Variants in FAM228B observed in about 807,000 individuals in gnomAD.
FAM228B encodes the protein family with sequence similarity 228 member B, also known as protein FAM228B.
A neutral mutation model predicts 42.6 loss-of-function variants in FAM228B; 38 were observed. That is an observed-to-expected ratio of 0.89 (90% CI 0.69 to 1.17). The LOEUF is 1.17. FAM228B is among the 50% of genes most tolerant of loss of function. The pLI is 0.00. For synonymous variants in FAM228B, 109 were observed against 122.3 expected (o/e 0.89, Z 0.72); for missense variants, 344 against 367.3 (o/e 0.94, Z 0.52).
chr2:24,155,697 C>T (rs868354000), intron 7 of FAM228B, among the ~76,000 whole-genome samples: 10 of 151,366 alleles, frequency 6.6e-5, no homozygotes, highest in African/African-American at 1.5e-4. Context: ...TCCGCCACCA[C>T]GCCCGGCTAA....
At chr2:24,109,464 G>A (rs781745297) in intron 3 of FAM228B, among the ~76,000 whole-genome samples, 15 of 152,120 alleles carry the variant, frequency 9.9e-5, no homozygotes, top group Non-Finnish European at 1.9e-4. Context: ...TTAAATTAAA[G>A]AGCTTCTGCA....
chr2:24,158,342 C>G (rs1667208525), intron 7 of FAM228B, among the ~76,000 whole-genome samples: 1 of 152,010 alleles, frequency 6.6e-6, no homozygotes, highest in Admixed American at 6.6e-5. Context: ...CCACGATGTA[C>G]TTTTTCATCG....
chr2:24,115,496 G>T, intron 3 of FAM228B: 1 of 1,238,938 alleles, frequency 8.1e-7, no homozygotes, highest in South Asian at 1.3e-5. Context: ...TCTGTCTAGT[G>T]TTTTTTCAAC....
upstream of FAM228B, chr2:24,122,698 G>C (rs893690078): frequency 1.8e-6 from 1 of 541,686 alleles, no homozygotes. Context: ...CCATCATTCA[G>C]GGCCCACCAG....
chr2:24,123,781 C>T (rs1666216378), intron 1 of FAM228B, among the ~76,000 whole-genome samples: 1 of 151,816 alleles, frequency 6.6e-6, no homozygotes, highest in African/African-American at 2.4e-5. Context: ...CCGCAGGCGC[C>T]CGGCCTAGTG....
intron 8 of FAM228B, 106 bp from the exon 9 acceptor site, chr2:24,164,092 C>T: frequency 9.5e-7 from 1 of 1,050,684 alleles, no homozygotes; most frequent in Non-Finnish European, 1.3e-6. Context: ...TAAAAATACA[C>T]AAATTCACAT....
In FAM228B at chr2:24,077,576, C is replaced by T; in HGVS notation, c.-290+607C>T. On this transcript the variant is annotated intron_variant, in intron 1 of 10. Coordinates refer to the FAM228B transcript ENST00000613899. This position sits in a 1 kb window ranked among gnomAD's most constrained non-coding sequence, Gnocchi z 5.5. ...GCCGCGTCCTGTCCTGCCCCATCCT[C>T]CTTCACTGGGGCAGTTCCAGGACGA... The T allele has an allele frequency of 6.2e-7, 1 of 1,609,034 alleles. No homozygotes were observed. Among genetic ancestry groups the T allele is most frequent in the Non-Finnish European group, 8.5e-7 (1 of 1,177,258 alleles).
At chr2:24,166,062 T>TATATATATATATATAC (rs1667402281) in intron 9 of FAM228B, 2 of 142,132 alleles carry the variant, frequency 1.4e-5, no homozygotes, top group Non-Finnish European at 3.0e-5. Flanking sequence ...AAAATATATA[T>TATATATATATATATAC]ATATATATAT....
intron 4 of FAM228B, 115 bp from the exon 5 acceptor site, chr2:24,139,253 CTG>C: frequency 2.1e-6 from 1 of 465,416 alleles, no homozygotes; most frequent in Non-Finnish European, 3.8e-6. Flanking sequence ...GCATTTGTCA[CTG>C]ATGCTGCTTT....
chr2:24,117,449 T>C lies in FAM228B; in HGVS notation c.-120-17670T>C, dbSNP rs7609349. On this transcript the variant is annotated intron_variant, in intron 3 of 10. Transcript: ENST00000613899. Reference sequence around the variant, plus strand: ...TGGTCATAGTTCTTCTTCTTCTTTTTTTTTTTTTCTCGAGACAGAGTCTCG... The same window carrying C: ...TGGTCATAGTTCTTCTTCTTCTTTTCTTTTTTTTCTCGAGACAGAGTCTCG... Among the ~76,000 whole-genome samples the C allele has an allele frequency of 5.9e-3, 902 of 151,970 alleles. 4 individuals carry two copies. The highest frequency in any genetic ancestry group is 0.021 in the African/African-American group (870 of 41,452).
intron 5 of FAM228B, among the ~76,000 whole-genome samples, chr2:24,143,153 C>T (rs1165585690): frequency 1.3e-5 from 2 of 151,856 alleles, no homozygotes; most frequent in African/African-American, 2.4e-5. Context: ...AATACTCCTA[C>T]CTTTTTCTTT....
intron 2 of FAM228B, among the ~76,000 whole-genome samples, chr2:24,088,155 G>A (rs1312886225): frequency 6.6e-6 from 1 of 152,084 alleles, no homozygotes; most frequent in African/African-American, 2.4e-5. Context: ...TGGGATTAGA[G>A]GTGTGAGCCA....
Position 24,161,519 on chromosome 2 carries a change from G to A in FAM228B, c.700G>A (p.Val234Met). Residue 234 changes from valine to methionine, a missense_variant, in exon 8 of 11, where the codon GTG becomes ATG. Transcript: ENST00000615575. Reference sequence around the variant, plus strand: ...ATCTTGTTAAAGGTTAAAGGTGAAAGTGAATTTTAATGACTGTAGTTTTGA... The same window carrying A: ...ATCTTGTTAAAGGTTAAAGGTGAAAATGAATTTTAATGACTGTAGTTTTGA... ...FCRRRRLKVK[V>M]NFNDCSFDLK... is the part of the protein sequence containing the mutation. 1 of 1,534,924 alleles carries A rather than the reference G, an allele frequency of 6.5e-7. No homozygotes were observed. Among genetic ancestry groups the A allele is most frequent in the Non-Finnish European group, 8.8e-7 (1 of 1,132,570 alleles).
intron 3 of FAM228B, among the ~76,000 whole-genome samples, chr2:24,115,181 A>G (rs1195997326): frequency 6.6e-6 from 1 of 152,184 alleles, no homozygotes; most frequent in Admixed American, 6.5e-5. Context: ...CTCTGTCCTG[A>G]TGGGAGACAT....
At chr2:24,115,565 T>C (rs1031048560) in intron 3 of FAM228B, 1 of 1,606,750 alleles carries the variant, frequency 6.2e-7, no homozygotes, top group Non-Finnish European at 8.5e-7. Context: ...AAATTGTCTT[T>C]CATGGGCCTC....
chr2:24,113,454 T>C (rs1467804888), intron 3 of FAM228B, among the ~76,000 whole-genome samples: 4 of 152,082 alleles, frequency 2.6e-5, no homozygotes, highest in Non-Finnish European at 5.9e-5. Flanking sequence ...CCTATAACCC[T>C]AGCTACTCGG....
In FAM228B at chr2:24,143,474, A is replaced by T. The variant is rs144990584; in HGVS notation, c.442-3274A>T. On this transcript the variant is annotated intron_variant, in intron 5 of 10. Transcript: ENST00000615575. The stretch of plus-strand genomic sequence containing the variant: ...CTCCCAAAATGCTGGGATTACAGGC[A>T]TGAACCATCATGCCTGGCCACTCCT... 2.2e-3 allele frequency among the ~76,000 whole-genome samples: 338 copies of T among 152,310 alleles called. 2 individuals carry two copies. Among genetic ancestry groups the T allele is most frequent in the African/African-American group, 7.9e-3 (328 of 41,578 alleles).
intron 2 of FAM228B, among the ~76,000 whole-genome samples, chr2:24,083,726 C>G (rs900239630): frequency 6.6e-6 from 1 of 152,172 alleles, no homozygotes; most frequent in African/African-American, 2.4e-5. Flanking sequence ...GAGTACTGCC[C>G]GCTGTCAGCT....
intron 7 of FAM228B, among the ~76,000 whole-genome samples, chr2:24,150,152 T>C (rs558609939): frequency 1.3e-5 from 2 of 152,170 alleles, no homozygotes; most frequent in Non-Finnish European, 2.9e-5. Context: ...TGCAGTGTTA[T>C]ATTATTCTGT....
Sources: allele counts gnomAD v4.1 joint callset (sites outside exome capture counted in the v4.1 genomes callset), GRCh38; gene constraint gnomAD v4.1.1; non-coding constraint Gnocchi (gnomAD v3.1); transcripts MANE v1.5; gene names NCBI Gene and HGNC (gene_info 2026-07-23, HGNC 2026-07-21).